Variants in GPC5 observed in about 807,000 individuals in gnomAD.
GPC5 encodes the protein glypican 5.
In GPC5, 47 loss-of-function variants were observed where a neutral mutation model predicts 53.9. The observed-to-expected ratio is 0.87, with a 90% confidence interval of 0.69 to 1.11. The LOEUF (loss-of-function observed/expected upper bound fraction) is 1.11. GPC5 is among the 50% of genes most tolerant of loss of function. GPC5 has a pLI of 0.00. For missense variants in GPC5, 748 were observed against 713.1 expected (o/e 1.05, Z -0.56); for synonymous variants, 286 against 263.3 (o/e 1.09, Z -0.84).
At chr13:91,542,257 T>G (rs183805014) in intron 2 of GPC5, among the ~76,000 whole-genome samples, 1 of 152,246 alleles carries the variant, frequency 6.6e-6, no homozygotes, top group Non-Finnish European at 1.5e-5. Flanking sequence ...CTCATAATAT[T>G]GCAACAAAAT....
intron 2 of GPC5, among the ~76,000 whole-genome samples, chr13:91,548,720 A>T (rs2030442774): frequency 1.3e-5 from 2 of 152,236 alleles, no homozygotes; most frequent in African/African-American, 4.8e-5. Flanking sequence ...TAAAGCCACA[A>T]TAAGGCAGTG....
At chr13:92,708,606 G>C (rs1335281746) in intron 7 of GPC5, among the ~76,000 whole-genome samples, 5 of 152,010 alleles carry the variant, frequency 3.3e-5, no homozygotes, top group African/African-American at 4.8e-5. Flanking sequence ...TGCTAAATGT[G>C]TTATAAAGAA....
chr13:92,242,127 G>A (rs553471234), intron 7 of GPC5, among the ~76,000 whole-genome samples: 6 of 151,818 alleles, frequency 4.0e-5, no homozygotes, highest in South Asian at 2.1e-4. Flanking sequence ...CAGCTGCTCC[G>A]GAGTCTGAGG....
intron 2 of GPC5, among the ~76,000 whole-genome samples, chr13:91,607,810 T>G (rs1217665846): frequency 6.6e-6 from 1 of 152,164 alleles, no homozygotes; most frequent in Non-Finnish European, 1.5e-5. Flanking sequence ...ACTAAAAGCA[T>G]GTAATAAATT....
chr13:91,920,288 T>C (rs1416882779), intron 6 of GPC5, among the ~76,000 whole-genome samples: 1 of 151,816 alleles, frequency 6.6e-6, no homozygotes, highest in East Asian at 1.9e-4. Flanking sequence ...AGAAAATAAA[T>C]ATATTAAAAA....
chr13:92,755,053 T>C (rs1379979328), intron 7 of GPC5, among the ~76,000 whole-genome samples: 2 of 151,880 alleles, frequency 1.3e-5, no homozygotes, highest in East Asian at 3.9e-4. Context: ...ACCACACCTA[T>C]TCCAAAACTG....
chr13:92,138,624 G>C (rs913822572), intron 6 of GPC5, among the ~76,000 whole-genome samples: 2 of 152,092 alleles, frequency 1.3e-5, no homozygotes, highest in African/African-American at 4.8e-5. Flanking sequence ...TTCGCTTAAG[G>C]GTGCATATAT....
At chr13:91,617,641 TC>T (rs1242375777) in intron 2 of GPC5, among the ~76,000 whole-genome samples, 1 of 151,702 alleles carries the variant, frequency 6.6e-6, no homozygotes, top group Admixed American at 6.6e-5. Context: ...CCTCTCTCCC[TC>T]CCTCCTTTCT....
At chr13:92,811,331 C>A (rs1877292345) in intron 7 of GPC5, among the ~76,000 whole-genome samples, 1 of 152,020 alleles carries the variant, frequency 6.6e-6, no homozygotes, top group South Asian at 2.1e-4. Flanking sequence ...ATTCCACCAT[C>A]GTAATGGTAT....
At chr13:91,477,672 A>T (rs534230865) in intron 2 of GPC5, among the ~76,000 whole-genome samples, 3 of 152,326 alleles carry the variant, frequency 2.0e-5, no homozygotes, top group African/African-American at 7.2e-5. Context: ...TCCTAGTGGT[A>T]AAAGTGAGGC....
chr13:92,527,243 AAGAAAGAG>A (rs1329421522), intron 7 of GPC5, among the ~76,000 whole-genome samples: 3 of 36,676 alleles, frequency 8.2e-5, no homozygotes, highest in African/African-American at 4.1e-4. Flanking sequence ...GAAAGAAAGA[AAGAAAGAG>A]AAAGAAAGAA....
intron 5 of GPC5, among the ~76,000 whole-genome samples, chr13:91,801,474 T>C (rs1411578514): frequency 6.6e-6 from 1 of 152,212 alleles, no homozygotes; most frequent in Non-Finnish European, 1.5e-5. Context: ...ATACATGTTG[T>C]TCCCCTGTGA....
chr13:92,536,540 A>G (rs1448503038), intron 7 of GPC5, among the ~76,000 whole-genome samples: 1 of 152,196 alleles, frequency 6.6e-6, no homozygotes, highest in Non-Finnish European at 1.5e-5. Context: ...ATTAGATTCC[A>G]TAACCCCACT....
intron 1 of GPC5, among the ~76,000 whole-genome samples, chr13:91,404,143 A>ATG (rs1347542076): frequency 3.3e-5 from 5 of 152,152 alleles, no homozygotes; most frequent in Non-Finnish European, 7.3e-5. Flanking sequence ...GTGTACATGT[A>ATG]TGTGTGTGTG....
At chr13:91,764,299 G>A (rs1412313) in intron 5 of GPC5, among the ~76,000 whole-genome samples, 7,432 of 152,204 alleles carry the variant, frequency 0.049, 370 homozygotes, top group East Asian at 0.22. Context: ...CAATAATTGC[G>A]TGGTATATCA....
At chr13:92,492,384 C>T (rs895868001) in intron 7 of GPC5, among the ~76,000 whole-genome samples, 2 of 150,972 alleles carry the variant, frequency 1.3e-5, no homozygotes, top group African/African-American at 4.9e-5. Context: ...AGGAGATATA[C>T]CTAATGTAAA....
intron 7 of GPC5, among the ~76,000 whole-genome samples, chr13:92,742,271 G>T (rs1361220149): frequency 6.6e-6 from 1 of 151,446 alleles, no homozygotes; most frequent in Non-Finnish European, 1.5e-5. Flanking sequence ...TTTAATGATT[G>T]CCATTCTAAC....
chr13:92,302,338 G>A (rs558471548), intron 7 of GPC5, among the ~76,000 whole-genome samples: 6 of 152,070 alleles, frequency 3.9e-5, no homozygotes, highest in East Asian at 1.9e-4. Flanking sequence ...TTCTATGCAC[G>A]TGAATTAAAT....
At chr13:92,227,344 G>C (rs2042495286) in intron 7 of GPC5, among the ~76,000 whole-genome samples, 1 of 152,108 alleles carries the variant, frequency 6.6e-6, no homozygotes, top group South Asian at 2.1e-4. Flanking sequence ...AGGATTAGGT[G>C]AATATTCCCC....
Sources: gnomAD v4.1 joint callset for allele counts (sites outside exome capture counted in the v4.1 genomes callset) on GRCh38, gnomAD v4.1.1 for gene constraint, MANE v1.5 for transcripts, NCBI Gene and HGNC (gene_info 2026-07-23, HGNC 2026-07-21) for gene names.